The following NEK5 variants were observed in gnomAD, a reference collection of about 807,000 sequenced individuals.
NEK5 encodes serine/threonine-protein kinase Nek5.
A neutral mutation model predicts 109.2 loss-of-function variants in NEK5; 88 were observed. The observed-to-expected ratio is 0.81, with a 90% CI of 0.68 to 0.96. The LOEUF (loss-of-function observed/expected upper bound fraction) is 0.96. Among genes scored for constraint, NEK5 ranks in the 40% least tolerant of loss-of-function variants. The probability of loss-of-function intolerance (pLI) is 0.00; values close to 1 mark genes in which losing one functional copy is unlikely to be tolerated. For missense variants in NEK5, 834 were observed against 920.7 expected (o/e 0.91, Z 1.22); for synonymous variants, 283 against 299.9 (o/e 0.94, Z 0.58).
chr13:52,093,482 C>A (rs369943377), intron 12 of NEK5, among the ~76,000 whole-genome samples: 1 of 152,176 alleles, frequency 6.6e-6, no homozygotes, highest in African/African-American at 2.4e-5. Context: ...ATCACTTGAA[C>A]CCAGGAGGTG....
At chr13:52,078,764 C>A (rs1954914322) in intron 17 of NEK5, among the ~76,000 whole-genome samples, 1 of 152,098 alleles carries the variant, frequency 6.6e-6, no homozygotes, top group Non-Finnish European at 1.5e-5. Context: ...GATGACATGA[C>A]CCTGGAGAGC....
intron 22 of NEK5, among the ~76,000 whole-genome samples, chr13:52,053,733 G>A (rs1040926698): frequency 5.9e-5 from 9 of 152,178 alleles, no homozygotes; most frequent in Admixed American, 1.3e-4. Context: ...AAGTCACGTA[G>A]ACTTGCACCA....
chr13:52,034,885 T>TC lies in NEK5; in HGVS notation c.*2062_*2063insG, dbSNP rs1216198282. 8 of 147,038 alleles carry TC rather than the reference T, an allele frequency of 5.4e-5. No individual in the cohort carries two copies. In the East Asian group the frequency reaches 7.8e-4, roughly 14 times the overall value. 9.1% of individuals were successfully genotyped at this position (147,038 alleles called of 1,614,324 possible). On this transcript the variant is annotated 3_prime_UTR_variant, in exon 24 of 24. Coordinates refer to ENST00000684899, the MANE Select transcript of NEK5 (RefSeq NM_001365552.1). ...TCCTTAAACATTCTTTTTTTTCTTT[T>TC]TTTTTTTTTTTTTTGCCCTTAATTG... is the stretch of plus-strand genomic sequence containing the variant.
chr13:52,076,184 T>G (rs1291971117), intron 17 of NEK5, 41 bp from the exon 18 acceptor site: 3 of 1,077,276 alleles, frequency 2.8e-6, no homozygotes, highest in Non-Finnish European at 4.2e-6. Context: ...CACTGTATGT[T>G]TACATGAGTT....
chr13:52,079,569 C>T (rs947405104), intron 17 of NEK5, among the ~76,000 whole-genome samples: 1 of 152,276 alleles, frequency 6.6e-6, no homozygotes, highest in Non-Finnish European at 1.5e-5. Flanking sequence ...CCCGAGGTGC[C>T]GGGATTGCAG....
chr13:52,042,387 A>AAT (rs1954421952), intron 23 of NEK5, among the ~76,000 whole-genome samples: 1 of 150,340 alleles, frequency 6.7e-6, no homozygotes, highest in Admixed American at 6.6e-5. Flanking sequence ...TACATATAAT[A>AAT]ATATATATAA....
At chr13:52,039,448 T>G (rs986842119) in intron 23 of NEK5, among the ~76,000 whole-genome samples, 2 of 152,208 alleles carry the variant, frequency 1.3e-5, no homozygotes, top group African/African-American at 4.8e-5. Flanking sequence ...CTTTCCTTTG[T>G]CTTTGTTCCT....
intron 14 of NEK5, among the ~76,000 whole-genome samples, chr13:52,088,443 C>T (rs546163608): frequency 1.1e-3 from 166 of 150,108 alleles, no homozygotes; most frequent in African/African-American, 3.9e-3. Context: ...TTAGTAGAGA[C>T]GGGCTTTCAC....
chr13:52,056,241 A>G (rs1954553994), intron 22 of NEK5, among the ~76,000 whole-genome samples: 1 of 151,688 alleles, frequency 6.6e-6, no homozygotes, highest in African/African-American at 2.4e-5. Context: ...CAACAAGAAG[A>G]GCTAACTATC....
In NEK5 at chr13:52,128,391, A is replaced by G. The variant is rs537680291; in HGVS notation, c.-91+638T>C. The stretch of plus-strand genomic sequence containing the variant: ...GACTCCCCAGGCGCGGCTACTGGCT[A>G]CTTCTCTACATTTTCCAAGGGTAGT... On this transcript the variant is annotated intron_variant, in intron 1 of 23. Transcript: ENST00000684899. Among the ~76,000 whole-genome samples the G allele has an allele frequency of 1.1e-3, 161 of 152,226 alleles. 1 individual carries two copies. The highest frequency in any genetic ancestry group is 5.8e-4 in the East Asian group (3 of 5,166).
chr13:52,056,280 C>T (rs1954554488), intron 22 of NEK5, among the ~76,000 whole-genome samples: 2 of 151,978 alleles, frequency 1.3e-5, no homozygotes, highest in South Asian at 2.1e-4. Flanking sequence ...AATACAGGAG[C>T]ACCCAGATTC....
intron 21 of NEK5, among the ~76,000 whole-genome samples, chr13:52,064,338 AT>A: frequency 1.1e-5 from 1 of 95,122 alleles, no homozygotes; most frequent in African/African-American, 4.1e-5. Context: ...CAGCCGCCCC[AT>A]CCAGGAGGGA....
chr13:52,068,384 A>C (rs1014774796), intron 20 of NEK5, among the ~76,000 whole-genome samples: 2 of 152,136 alleles, frequency 1.3e-5, no homozygotes. Flanking sequence ...GTCTGTAAAT[A>C]CCTCAGTAAG....
At chr13:52,128,636 A>C (rs1225694363) in intron 1 of NEK5, among the ~76,000 whole-genome samples, 1 of 152,070 alleles carries the variant, frequency 6.6e-6, no homozygotes, top group Non-Finnish European at 1.5e-5. Flanking sequence ...GGCTGCAGAC[A>C]CCGGAGGATC....
In NEK5 at chr13:52,089,240, T is replaced by C. The variant is rs745799361; in HGVS notation, c.1275+7A>G. The C allele has an allele frequency of 3.2e-6, 5 of 1,548,692 alleles. No homozygotes were observed. Among genetic ancestry groups the C allele is most frequent in the Non-Finnish European group, 4.5e-6 (5 of 1,121,792 alleles). On this transcript the variant is annotated splice_region_variant and intron_variant, in intron 14 of 23. Transcript: ENST00000684899. Reference sequence around the variant, plus strand: ...TAATTGCTTCCCATATTTGGTATTTTACTTACCAATTGCTTCTCCACTTTC... The same window carrying C: ...TAATTGCTTCCCATATTTGGTATTTCACTTACCAATTGCTTCTCCACTTTC...
intron 16 of NEK5, among the ~76,000 whole-genome samples, chr13:52,084,828 G>A (rs1396035847): frequency 1.4e-5 from 2 of 144,494 alleles, no homozygotes; most frequent in Admixed American, 7.0e-5. Context: ...TAGAGCTAGG[G>A]TTTCCCTATG....
intron 17 of NEK5, among the ~76,000 whole-genome samples, chr13:52,081,361 C>T (rs916976114): frequency 2.0e-5 from 3 of 152,102 alleles, no homozygotes; most frequent in South Asian, 4.2e-4. Context: ...ATATCAGATG[C>T]CTTTTCTTTT....
chr13:52,067,192 T>TA (rs1194204817), intron 20 of NEK5, among the ~76,000 whole-genome samples: 1 of 152,116 alleles, frequency 6.6e-6, no homozygotes, highest in African/African-American at 2.4e-5. Context: ...TTTGGCCACT[T>TA]AAGAAGCTCC....
chr13:52,054,369 G>A (rs189920636), intron 22 of NEK5, among the ~76,000 whole-genome samples: 86 of 152,324 alleles, frequency 5.6e-4, no homozygotes, highest in Non-Finnish European at 9.4e-4. Flanking sequence ...CACACTAACT[G>A]GAGTGCAGCA....
Sources: allele counts gnomAD v4.1 joint callset (sites outside exome capture counted in the v4.1 genomes callset), GRCh38; gene constraint gnomAD v4.1.1; transcripts MANE v1.5; gene names NCBI Gene and HGNC (gene_info 2026-07-23, HGNC 2026-07-21).